Variants in SUGCT observed in about 807,000 individuals in gnomAD.
SUGCT encodes the protein succinyl-CoA:glutarate CoA-transferase.
SUGCT carries 41 observed loss-of-function variants against 55.0 expected under a neutral mutation model. That is an observed-to-expected ratio of 0.74 (90% CI 0.58 to 0.97). The LOEUF (loss-of-function observed/expected upper bound fraction) is 0.97. SUGCT is among the 50% of genes least tolerant of loss of function. SUGCT has a pLI of 0.00. For synonymous variants in SUGCT, 187 were observed against 200.4 expected, an observed-to-expected ratio of 0.93 and a Z score of 0.56; for missense variants, 568 against 547.8, an observed-to-expected ratio of 1.04 and a Z score of -0.37.
At chr7:40,489,429 C>A (rs1791561852) in intron 11 of SUGCT, among the ~76,000 whole-genome samples, 1 of 152,058 alleles carries the variant, frequency 6.6e-6, no homozygotes, top group Non-Finnish European at 1.5e-5. Flanking sequence ...GCCTTTAATC[C>A]CAGAACTTTG....
At chr7:40,890,328 A>T in the SUGCT span, among the ~76,000 whole-genome samples, 1 of 107,292 alleles carries the variant, frequency 9.3e-6, no homozygotes, top group African/African-American at 4.8e-5. Context: ...ATATAATATA[A>T]ATATTAATAT....
chr7:40,269,036 A>T (rs775837278), intron 7 of SUGCT, among the ~76,000 whole-genome samples: 8 of 152,226 alleles, frequency 5.3e-5, no homozygotes, highest in Non-Finnish European at 1.0e-4. Context: ...ACTGTTTATC[A>T]CAGTGACTAC....
At chr7:40,953,190 A>T in the SUGCT span, among the ~76,000 whole-genome samples, 1 of 152,028 alleles carries the variant, frequency 6.6e-6, no homozygotes, top group South Asian at 2.1e-4. Flanking sequence ...TTCTCGCTTC[A>T]TTTCATTCAT....
intron 12 of SUGCT, among the ~76,000 whole-genome samples, chr7:40,660,684 ATG>A (rs1308363528): frequency 6.6e-6 from 1 of 152,168 alleles, no homozygotes; most frequent in African/African-American, 2.4e-5. Context: ...CATACCTTAG[ATG>A]TAATCACTGC....
At chr7:40,913,960 G>C in the SUGCT span, among the ~76,000 whole-genome samples, 5 of 152,150 alleles carry the variant, frequency 3.3e-5, no homozygotes, top group South Asian at 1.0e-3. Flanking sequence ...ACACAAGAAA[G>C]GGAAATAAAT....
At chr7:40,914,835 C>T in the SUGCT span, among the ~76,000 whole-genome samples, 1 of 151,994 alleles carries the variant, frequency 6.6e-6, no homozygotes, top group Non-Finnish European at 1.5e-5. Context: ...AATAAAGGTC[C>T]CACCAGAATT....
At chr7:40,392,369 A>T (rs4449689) in intron 9 of SUGCT, among the ~76,000 whole-genome samples, 144,345 of 152,246 alleles carry the variant, frequency 0.95, 68,900 homozygotes, top group East Asian at 1. Context: ...TCATGGAGAT[A>T]GAGAGGTGGA....
chr7:40,539,336 G>C (rs1013332961), intron 12 of SUGCT: 1 of 152,098 alleles, frequency 6.6e-6, no homozygotes, highest in African/African-American at 2.4e-5. Context: ...CTTTACTCAA[G>C]ATGATAAAAG....
chr7:40,919,237 C>G, the SUGCT span, among the ~76,000 whole-genome samples: 1 of 152,182 alleles, frequency 6.6e-6, no homozygotes, highest in African/African-American at 2.4e-5. Context: ...CCAGATATCT[C>G]TACCTGCATG....
chr7:40,318,994 G>T (rs1484405088), intron 9 of SUGCT, among the ~76,000 whole-genome samples: 2 of 152,132 alleles, frequency 1.3e-5, no homozygotes, highest in Non-Finnish European at 2.9e-5. Flanking sequence ...GTGTTGAAAA[G>T]AAATTCAGAA....
the SUGCT span, chr7:40,968,056 T>C: frequency 1.3e-5 from 2 of 152,196 alleles, no homozygotes; most frequent in African/African-American, 4.8e-5. Flanking sequence ...TCTTTTCTTC[T>C]TTCATGAACC....
At chr7:40,782,294 A>T (rs1789793158) in intron 13 of SUGCT, among the ~76,000 whole-genome samples, 1 of 152,110 alleles carries the variant, frequency 6.6e-6, no homozygotes, top group Admixed American at 6.5e-5. Flanking sequence ...ATAATTTTTA[A>T]ATATCCCTGA....
chr7:41,023,178 C>A, the SUGCT span, among the ~76,000 whole-genome samples: 1 of 152,148 alleles, frequency 6.6e-6, no homozygotes, highest in Non-Finnish European at 1.5e-5. Flanking sequence ...CTTCTTGGGA[C>A]CCCAGGGTAA....
Position 40,465,822 on chromosome 7 carries a change from G to A in SUGCT, c.986+6624G>A, listed in dbSNP as rs1204392251. ...CATCTTGGCACTATTAAGCCACTAT[G>A]ACCATTTCACTGCCCTGGCTAGGTC... On this transcript the variant is annotated intron_variant, in intron 11 of 13. Coordinates refer to ENST00000335693, the MANE Select transcript of SUGCT (RefSeq NM_001193313.2). Among the ~76,000 whole-genome samples, 7 of 152,016 alleles carry A rather than the reference G, an allele frequency of 4.6e-5. 1 individual carries two copies. Among genetic ancestry groups the A allele is most frequent in the Non-Finnish European group, 1.0e-4 (7 of 67,992 alleles).
chr7:40,943,155 T>A, the SUGCT span, among the ~76,000 whole-genome samples: 10 of 151,914 alleles, frequency 6.6e-5, no homozygotes, highest in African/African-American at 2.4e-4. Context: ...TTGCCAGAAT[T>A]ATTTTTCTGG....
At chr7:40,439,948 G>C (rs1165546189) in intron 9 of SUGCT, among the ~76,000 whole-genome samples, 1 of 152,046 alleles carries the variant, frequency 6.6e-6, no homozygotes, top group Non-Finnish European at 1.5e-5. Context: ...TACTTTGTAG[G>C]CATTCTTCAG....
chr7:40,641,207 A>G (rs1159008473), intron 12 of SUGCT, among the ~76,000 whole-genome samples: 3 of 152,352 alleles, frequency 2.0e-5, no homozygotes, highest in African/African-American at 4.8e-5. Flanking sequence ...AAACCAAAGG[A>G]TAAGACATTT....
chr7:40,170,764 A>G (rs1406856973), intron 1 of SUGCT, among the ~76,000 whole-genome samples: 1 of 146,342 alleles, frequency 6.8e-6, no homozygotes, highest in Non-Finnish European at 1.5e-5. Flanking sequence ...TTGCCTTTGC[A>G]CTCAGAGGTG....
chr7:40,155,498 C>T (rs993229527), intron 1 of SUGCT, among the ~76,000 whole-genome samples: 2 of 152,066 alleles, frequency 1.3e-5, no homozygotes, highest in Admixed American at 6.5e-5. Context: ...ACAAAAAGAT[C>T]CTTGTAGCAC....
Sources: gnomAD v4.1 joint callset for allele counts (sites outside exome capture counted in the v4.1 genomes callset) on GRCh38, gnomAD v4.1.1 for gene constraint, MANE v1.5 for transcripts, NCBI Gene and HGNC (gene_info 2026-07-23, HGNC 2026-07-21) for gene names.